The following CTDP1 variants were observed in gnomAD, a reference collection of about 807,000 sequenced individuals.
CTDP1 encodes the protein RNA polymerase II subunit A C-terminal domain phosphatase.
Under a neutral mutation model 91.8 loss-of-function variants are expected in CTDP1, and 47 were observed. The observed-to-expected ratio is 0.51, with a 90% CI of 0.41 to 0.65. The LOEUF is 0.65. Among genes scored for constraint, CTDP1 ranks in the 30% least tolerant of loss-of-function variants. The probability of loss-of-function intolerance (pLI) is 0.00; values close to 1 mark genes in which losing one functional copy is unlikely to be tolerated. For missense variants in CTDP1, 1,272 were observed against 1,373.7 expected, an observed-to-expected ratio of 0.93 and a Z score of 1.17; for synonymous variants, 656 against 598.5, an observed-to-expected ratio of 1.10 and a Z score of -1.40.
intron 4 of CTDP1, among the ~76,000 whole-genome samples, chr18:79,699,409 C>T (rs514937): frequency 6.6e-5 from 10 of 152,076 alleles, no homozygotes; most frequent in African/African-American, 2.2e-4. Context: ...TACAGGTGCC[C>T]GCCACCACAC....
intron 10 of CTDP1, among the ~76,000 whole-genome samples, chr18:79,718,735 T>G (rs919808852): frequency 6.6e-6 from 1 of 152,162 alleles, no homozygotes; most frequent in African/African-American, 2.4e-5. Context: ...GTACCGTGGT[T>G]GTTGCTTTGA....
chr18:79,706,080 G>A (rs1277622890), intron 5 of CTDP1, among the ~76,000 whole-genome samples: 1 of 152,194 alleles, frequency 6.6e-6, no homozygotes, highest in African/African-American at 2.4e-5. Flanking sequence ...AGGGGCGTGG[G>A]AGGTGGTGAG....
chr18:79,681,302 G>T (rs2085361876), intron 1 of CTDP1: 2 of 200,180 alleles, frequency 1.0e-5, no homozygotes, highest in African/African-American at 2.4e-5. Context: ...TGCCCCCTGC[G>T]TGCTGGTGGG....
At chr18:79,742,400 C>G (rs2086799283) in intron 12 of CTDP1, among the ~76,000 whole-genome samples, 1 of 152,174 alleles carries the variant, frequency 6.6e-6, no homozygotes, top group Admixed American at 6.5e-5. Flanking sequence ...ACCACCACAC[C>G]CAGGCCCCTG....
intron 10 of CTDP1, among the ~76,000 whole-genome samples, chr18:79,724,863 T>C (rs2086413774): frequency 6.6e-6 from 1 of 152,164 alleles, no homozygotes; most frequent in African/African-American, 2.4e-5. Flanking sequence ...CCCAGCCGCA[T>C]TGTCGCCGGC....
intron 1 of CTDP1, chr18:79,680,974 C>T (rs547305006): frequency 3.9e-5 from 6 of 152,444 alleles, no homozygotes; most frequent in African/African-American, 1.4e-4. Context: ...GCGCCTGGCT[C>T]TGGTAGTTTT....
intron 12 of CTDP1, chr18:79,749,653 A>G (rs565788): frequency 0.94 from 143,804 of 152,304 alleles, 68,422 homozygotes; most frequent in East Asian, 1. Flanking sequence ...GGCCTGAAAC[A>G]CCGCCTCTGT....
intron 10 of CTDP1, among the ~76,000 whole-genome samples, chr18:79,728,153 G>T (rs1490850986): frequency 1.3e-5 from 2 of 151,960 alleles, no homozygotes; most frequent in Non-Finnish European, 2.9e-5. Flanking sequence ...AGGCTGGAGT[G>T]CAGTGGCGCA....
At chr18:79,715,591 T>G in intron 8 of CTDP1, 63 bp downstream of exon 8, 1 of 1,459,480 alleles carries the variant, frequency 6.9e-7, no homozygotes. Context: ...CAGGCACTCC[T>G]TAGAGTTGGC....
chr18:79,750,242 C>T (rs569458360), intron 12 of CTDP1, among the ~76,000 whole-genome samples: 4 of 149,704 alleles, frequency 2.7e-5, no homozygotes, highest in African/African-American at 9.8e-5. Flanking sequence ...TGCAGTGTTG[C>T]GGTCATGGCC....
chr18:79,680,087 C>T lies in CTDP1; in HGVS notation c.140C>T (p.Ser47Leu), dbSNP rs1185464485. The change falls in exon 1 of 13, where the codon TCG (serine) becomes TTG (leucine). Residue 47 changes from serine (S) to leucine (L), a missense_variant. By Grantham distance (145) the Ser-to-Leu change is moderately radical. Coordinates refer to ENST00000613122, the MANE Select transcript of CTDP1 (RefSeq NM_004715.5). ...GCGGGCGCGGCCGTGCGCATCGGCT[C>T]GGTGCTGGCCGTGTTCGAGGCCGCC... Reference protein sequence around the residue: ...VAAGAAVRIGSVLAVFEAAAS... With the variant: ...VAAGAAVRIGLVLAVFEAAAS... 4 of 1,321,164 alleles carry T rather than the reference C, an allele frequency of 3.0e-6. No homozygotes were observed. Among genetic ancestry groups the T allele is most frequent in the South Asian group, 4.2e-5 (2 of 47,960 alleles). The allele number at this position is 1,321,164 out of a possible 1,614,324, so 81.8% of individuals were successfully genotyped here. A position where few individuals can be genotyped will look rare whatever the true frequency, so the allele number is the denominator to read the frequency against.
intron 4 of CTDP1, among the ~76,000 whole-genome samples, 181 bp downstream of exon 4, chr18:79,698,169 G>A (rs1467671044): frequency 1.6e-4 from 24 of 152,248 alleles, no homozygotes; most frequent in Admixed American, 1.6e-3. Flanking sequence ...GAGCATCCGC[G>A]GCTCCCGGGC....
intron 5 of CTDP1, among the ~76,000 whole-genome samples, chr18:79,707,670 G>GC (rs1312072343): frequency 4.6e-5 from 7 of 152,330 alleles, no homozygotes; most frequent in South Asian, 4.1e-4. Flanking sequence ...CAGAACATGG[G>GC]CCCTCGAGCC....
chr18:79,718,774 AC>A (rs1317930786), intron 10 of CTDP1, among the ~76,000 whole-genome samples: 2 of 152,052 alleles, frequency 1.3e-5, no homozygotes, highest in Non-Finnish European at 2.9e-5. Context: ...ACTCAATTAA[AC>A]TTGACCCAGG....
At chr18:79,744,158 C>T (rs2086834976) in intron 12 of CTDP1, among the ~76,000 whole-genome samples, 1 of 152,222 alleles carries the variant, frequency 6.6e-6, no homozygotes, top group Non-Finnish European at 1.5e-5. Context: ...AGCTGTCCCA[C>T]CTTTCCAGAG....
chr18:79,715,633 A>G, intron 8 of CTDP1, 105 bp downstream of exon 8: 1 of 1,182,024 alleles, frequency 8.5e-7, no homozygotes, highest in Non-Finnish European at 1.2e-6. Flanking sequence ...AATTTTCAGA[A>G]ACATTTCCCA....
At chr18:79,697,428 G>A (rs1483105428) in intron 3 of CTDP1, among the ~76,000 whole-genome samples, 3 of 152,236 alleles carry the variant, frequency 2.0e-5, no homozygotes, top group Non-Finnish European at 4.4e-5. Flanking sequence ...CACAAGAATA[G>A]GCTGAGCGTG....
intron 11 of CTDP1, chr18:79,736,072 C>A: frequency 2.0e-6 from 1 of 506,526 alleles, no homozygotes; most frequent in Non-Finnish European, 3.6e-6. Context: ...AACAGTGCAC[C>A]AGGAATAAAG....
chr18:79,726,675 C>T (rs898598323), intron 10 of CTDP1, among the ~76,000 whole-genome samples: 1 of 151,254 alleles, frequency 6.6e-6, no homozygotes, highest in Non-Finnish European at 1.5e-5. Context: ...GATAGGAGTC[C>T]AGTTCCCCAC....
Sources: gnomAD v4.1 joint callset for allele counts (sites outside exome capture counted in the v4.1 genomes callset) on GRCh38, gnomAD v4.1.1 for gene constraint, MANE v1.5 for transcripts, NCBI Gene and HGNC (gene_info 2026-07-23, HGNC 2026-07-21) for gene names.